Variants in ATG10 observed in about 807,000 individuals in gnomAD.
The protein encoded by ATG10 is ubiquitin-like-conjugating enzyme ATG10.
In ATG10, 30 loss-of-function variants were observed where a neutral mutation model predicts 32.1. The ratio of observed to expected loss-of-function variants is 0.94; its 90% confidence interval spans 0.70 to 1.27. The LOEUF is 1.27. Ranked by LOEUF, ATG10 falls within the 50% of genes most tolerant of loss-of-function variation. The pLI, the probability that ATG10 is intolerant of heterozygous loss-of-function variation, is 0.00. For synonymous variants in ATG10, 87 were observed against 91.5 expected, an observed-to-expected ratio of 0.95 and a Z score of 0.28; for missense variants, 233 against 262.3, an observed-to-expected ratio of 0.89 and a Z score of 0.77.
chr5:82,172,854 A>G (rs1743856893), intron 4 of ATG10, among the ~76,000 whole-genome samples: 1 of 152,246 alleles, frequency 6.6e-6, no homozygotes, highest in South Asian at 2.1e-4. Flanking sequence ...TTACAGAATT[A>G]GCCAGTATAG....
intron 5 of ATG10, among the ~76,000 whole-genome samples, chr5:82,230,178 T>C (rs1454929228): frequency 6.6e-6 from 1 of 151,946 alleles, no homozygotes; most frequent in Non-Finnish European, 1.5e-5. Flanking sequence ...CTTTATGGAG[T>C]CTATGTGATG....
chr5:82,072,932 G>GA (rs1037052627), intron 3 of ATG10: 1 of 152,164 alleles, frequency 6.6e-6, no homozygotes, highest in African/African-American at 2.4e-5. Context: ...GAGCTGCTGT[G>GA]AAGGAGGTAC....
At chr5:82,019,238 A>C (rs1259917889) in intron 2 of ATG10, among the ~76,000 whole-genome samples, 1 of 152,210 alleles carries the variant, frequency 6.6e-6, no homozygotes, top group Non-Finnish European at 1.5e-5. Context: ...CATTTACATA[A>C]AAAGTTAATA....
intron 5 of ATG10, among the ~76,000 whole-genome samples, chr5:82,188,841 A>G (rs948707634): frequency 6.6e-6 from 1 of 152,080 alleles, no homozygotes; most frequent in South Asian, 2.1e-4. Flanking sequence ...CTGTATACAC[A>G]TAATTCCACC....
intron 2 of ATG10, among the ~76,000 whole-genome samples, chr5:81,994,851 TC>T (rs966212721): frequency 3.3e-5 from 5 of 152,188 alleles, no homozygotes; most frequent in African/African-American, 9.7e-5. Flanking sequence ...AATCACATGG[TC>T]AGTGCATGTT....
intron 2 of ATG10, among the ~76,000 whole-genome samples, 185 bp from the exon 3 acceptor site, chr5:82,058,310 A>T (rs1229554813): frequency 1.3e-5 from 2 of 152,132 alleles, no homozygotes; most frequent in African/African-American, 4.8e-5. Flanking sequence ...AGGAGAATAA[A>T]ACTTGCATTT....
chr5:82,216,642 G>A (rs74956272), intron 5 of ATG10, among the ~76,000 whole-genome samples: 29 of 152,284 alleles, frequency 1.9e-4, no homozygotes, highest in African/African-American at 6.0e-4. Context: ...CTAGATACTT[G>A]CCTTATGACC....
chr5:82,033,729 A>AACACACAC lies in ATG10; in HGVS notation c.109-24742_109-24735dup, dbSNP rs59922803. On this transcript the variant is annotated intron_variant, in intron 2 of 7. Coordinates refer to ENST00000282185, the MANE Select transcript of ATG10 (RefSeq NM_031482.5). ...GTTACTTGGCTGTAAATACTATACA[A>AACACACAC]ACACACACACACACACACACACACA... 1.4e-4 allele frequency among the ~76,000 whole-genome samples: 21 copies of AACACACAC among 146,322 alleles called. No homozygotes were observed. The East Asian group carries it at 1.6e-3, about 11-fold the overall frequency.
chr5:82,183,087 T>C (rs1371526880), intron 5 of ATG10, among the ~76,000 whole-genome samples: 1 of 151,374 alleles, frequency 6.6e-6, no homozygotes, highest in Non-Finnish European at 1.5e-5. Flanking sequence ...TCTACAACTA[T>C]CTCAAAATAG....
intron 4 of ATG10, among the ~76,000 whole-genome samples, chr5:82,174,467 A>G (rs1289499052): frequency 6.6e-6 from 1 of 152,234 alleles, no homozygotes; most frequent in Admixed American, 6.5e-5. Context: ...CCTTGTGGCT[A>G]GAAGTTGGAA....
intron 5 of ATG10, among the ~76,000 whole-genome samples, chr5:82,226,606 T>A (rs1234077733): frequency 6.6e-6 from 1 of 152,234 alleles, no homozygotes; most frequent in Non-Finnish European, 1.5e-5. Flanking sequence ...ACTTGTATCA[T>A]CCTAATAAAA....
At chr5:82,009,480 G>A (rs1762070574) in intron 2 of ATG10, 1 of 764,158 alleles carries the variant, frequency 1.3e-6, no homozygotes, top group South Asian at 1.7e-5. Context: ...GAACCCAAAG[G>A]GAACTGCAGC....
At chr5:82,161,425 C>A (rs1343481545) in intron 3 of ATG10, among the ~76,000 whole-genome samples, 1 of 152,010 alleles carries the variant, frequency 6.6e-6, no homozygotes, top group African/African-American at 2.4e-5. Flanking sequence ...CCTACCTGTT[C>A]CAGAGAATAT....
intron 2 of ATG10, among the ~76,000 whole-genome samples, chr5:82,033,974 TATAC>T (rs35183486): frequency 0.016 from 2,438 of 148,178 alleles, 55 homozygotes; most frequent in African/African-American, 0.055. Flanking sequence ...ATATAGTATA[TATAC>T]ATACATGTAT....
intron 3 of ATG10, among the ~76,000 whole-genome samples, chr5:82,141,801 C>G (rs1767158567): frequency 6.6e-6 from 1 of 151,664 alleles, no homozygotes; most frequent in Non-Finnish European, 1.5e-5. Flanking sequence ...GTTGCAGTTA[C>G]ACACACATAC....
At chr5:82,210,711 C>T (rs757158545) in intron 5 of ATG10, among the ~76,000 whole-genome samples, 19 of 151,936 alleles carry the variant, frequency 1.3e-4, no homozygotes, top group Non-Finnish European at 2.2e-4. Flanking sequence ...AGGTTGATGG[C>T]GAGGGCAGGG....
At chr5:82,102,275 GT>G (rs1342171570) in intron 3 of ATG10, among the ~76,000 whole-genome samples, 3 of 152,162 alleles carry the variant, frequency 2.0e-5, no homozygotes, top group African/African-American at 7.2e-5. Context: ...AGATGTTGGT[GT>G]GGTATGTATT....
At chr5:82,212,297 G>A (rs150279446) in intron 5 of ATG10, among the ~76,000 whole-genome samples, 1,808 of 152,260 alleles carry the variant, frequency 0.012, 14 homozygotes, top group Non-Finnish European at 0.02. Context: ...TCCACTGCCA[G>A]CTCCCTCCCT....
chr5:82,164,400 A>G lies in ATG10; in HGVS notation c.218A>G (p.Glu73Gly), dbSNP rs774727126. ...THGQTCLPME[E>G]AFELPLDDCE... is the part of the protein sequence containing the mutation. ...CGTTTTGTTTTTGCTTTTTTTTAGG[A>G]GGCTTTCGAGCTACCCTTGGATGAT... Residue 73 changes from glutamate to glycine, a missense_variant and splice_region_variant, in exon 4 of 8, where the codon GAG becomes GGG. Coordinates refer to ENST00000282185, the MANE Select transcript of ATG10 (RefSeq NM_031482.5). The G allele has an allele frequency of 1.8e-5, 29 of 1,612,618 alleles. No individual in the cohort carries two copies. Among genetic ancestry groups the G allele is most frequent in the Admixed American group, 1.7e-5 (1 of 59,704 alleles).
Sources: allele counts gnomAD v4.1 joint callset (sites outside exome capture counted in the v4.1 genomes callset), GRCh38; gene constraint gnomAD v4.1.1; transcripts MANE v1.5; gene names NCBI Gene and HGNC (gene_info 2026-07-23, HGNC 2026-07-21).